Variants in ELF2 observed in about 807,000 individuals in gnomAD.
ELF2 encodes the protein ETS-related transcription factor Elf-2.
A neutral mutation model predicts 54.8 loss-of-function variants in ELF2; 11 were observed. The ratio of observed to expected loss-of-function variants is 0.20; its 90% CI spans 0.13 to 0.33. The LOEUF (loss-of-function observed/expected upper bound fraction) is 0.33. ELF2 is among the 10% of genes least tolerant of loss of function. The pLI, the probability that ELF2 is intolerant of heterozygous loss-of-function variation, is 1.00. For synonymous variants in ELF2, 203 were observed against 245.1 expected (o/e 0.83, Z 1.61); for missense variants, 513 against 703.0 (o/e 0.73, Z 3.06).
intron 6 of ELF2, among the ~76,000 whole-genome samples, chr4:139,069,678 A>G (rs918876652): frequency 1.1e-4 from 17 of 152,188 alleles, no homozygotes; most frequent in African/African-American, 3.1e-4. Flanking sequence ...TCCACAATGC[A>G]CATTAGTATA....
rs1249854699 is a variant in ELF2, at chr4:139,061,972, T to C, written c.699A>G (p.Arg233=). ...TCPRYIKWTQ[R]EKGIFKLVDS... ...CCACCAGCTTGAATATGCCTTTTTC[T>C]CTCTGAGTCCATTTAATATACCTGG... is the stretch of plus-strand genomic sequence containing the variant. Residue 233 remains arginine, a synonymous_variant, in exon 8 of 10, where the codon AGA becomes AGG. Transcript: ENST00000686138. 7.4e-6 allele frequency: 12 copies of C among 1,613,992 alleles called. No homozygotes were observed. The highest frequency in any genetic ancestry group is 1.0e-5 in the Non-Finnish European group (12 of 1,179,916).
intron 4 of ELF2, among the ~76,000 whole-genome samples, chr4:139,085,903 G>C (rs985717979): frequency 1.3e-5 from 2 of 152,184 alleles, no homozygotes; most frequent in Admixed American, 6.5e-5. Flanking sequence ...CTGCACTCCA[G>C]CTAGTTATTA....
intron 4 of ELF2, among the ~76,000 whole-genome samples, chr4:139,080,590 C>T (rs553762023): frequency 6.6e-6 from 1 of 151,460 alleles, no homozygotes; most frequent in East Asian, 1.9e-4. Context: ...CCTTATTTCG[C>T]AAATGTAAAA....
intron 1 of ELF2, among the ~76,000 whole-genome samples, chr4:139,144,044 C>G (rs1451854835): frequency 1.3e-5 from 2 of 151,876 alleles, no homozygotes; most frequent in African/African-American, 4.8e-5. Flanking sequence ...TGGGTAAAGA[C>G]TCAAACTGTG....
At chr4:139,070,668 A>C (rs1373173937) in intron 6 of ELF2, among the ~76,000 whole-genome samples, 2 of 152,238 alleles carry the variant, frequency 1.3e-5, no homozygotes, top group Non-Finnish European at 2.9e-5. Context: ...TATAGCAGGC[A>C]GTGGGTAAAT....
At chr4:139,105,116 T>A (rs548808078) in intron 4 of ELF2, among the ~76,000 whole-genome samples, 1 of 152,362 alleles carries the variant, frequency 6.6e-6, no homozygotes, top group Non-Finnish European at 1.5e-5. Flanking sequence ...AACTGTCATA[T>A]GGAAAGGGAG....
chr4:139,138,487 T>C (rs897457004), intron 2 of ELF2, among the ~76,000 whole-genome samples: 2 of 152,208 alleles, frequency 1.3e-5, no homozygotes, highest in African/African-American at 4.8e-5. Flanking sequence ...TGTTAGTTTC[T>C]ATAAATGTTA....
intron 1 of ELF2, among the ~76,000 whole-genome samples, chr4:139,154,268 GTTAC>G (rs1740309699): frequency 6.6e-6 from 1 of 152,120 alleles, no homozygotes; most frequent in Non-Finnish European, 1.5e-5. Context: ...ATGTTGGGCA[GTTAC>G]TTAATCTCCT....
intron 1 of ELF2, among the ~76,000 whole-genome samples, chr4:139,161,176 T>C (rs1220725481): frequency 6.6e-6 from 1 of 152,210 alleles, no homozygotes; most frequent in Non-Finnish European, 1.5e-5. Flanking sequence ...AGTGCTTACA[T>C]AAATTGTTAA....
At chr4:139,161,248 A>C (rs2148900725) in intron 1 of ELF2, among the ~76,000 whole-genome samples, 1 of 152,320 alleles carries the variant, frequency 6.6e-6, no homozygotes, top group East Asian at 1.9e-4. Flanking sequence ...ATCTTTGATA[A>C]ATAAGCTGGT....
At chr4:139,163,749 A>C (rs555929901) in intron 1 of ELF2, among the ~76,000 whole-genome samples, 1 of 152,100 alleles carries the variant, frequency 6.6e-6, no homozygotes, top group Non-Finnish European at 1.5e-5. Flanking sequence ...CCCCGTCTCT[A>C]CAAAAAATAC....
chr4:139,106,222 TA>T (rs1734386608), intron 4 of ELF2, among the ~76,000 whole-genome samples: 1 of 152,118 alleles, frequency 6.6e-6, no homozygotes, highest in Non-Finnish European at 1.5e-5. Flanking sequence ...AAATTACCAC[TA>T]CATGACTGAG....
At chr4:139,169,368 T>G (rs1254889081) in intron 1 of ELF2, among the ~76,000 whole-genome samples, 3 of 132,560 alleles carry the variant, frequency 2.3e-5, no homozygotes, top group African/African-American at 8.6e-5. Context: ...AAAAAAAAAC[T>G]ATCACAAAAA....
chr4:139,063,929 G>T (rs2148668707), intron 7 of ELF2, among the ~76,000 whole-genome samples: 1 of 152,158 alleles, frequency 6.6e-6, no homozygotes, highest in South Asian at 2.1e-4. Flanking sequence ...GGAGAGAGTA[G>T]TAGGCAGCGG....
At position 139,059,235 on chromosome 4, in the gene ELF2, T is replaced by C. The variant is rs2148656563; in HGVS notation, c.1530A>G (p.Leu510=). The change falls in exon 10 of 10, where the codon CTA becomes CTG. Residue 510 remains leucine (L), a synonymous_variant. Coordinates refer to ENST00000686138, the MANE Select transcript of ELF2 (RefSeq NM_001331036.3). ...SIAHGTPVMR[L]SMPTQQASGQ... The stretch of plus-strand genomic sequence containing the variant: ...CAGATGCCTGCTGAGTAGGCATTGA[T>C]AGTCTCATTACAGGTGTACCATGGG... 5.0e-6 allele frequency: 8 copies of C among 1,613,958 alleles called. No individual in the cohort carries two copies. Among genetic ancestry groups the C allele is most frequent in the East Asian group, 2.2e-5 (1 of 44,886 alleles).
intron 1 of ELF2, among the ~76,000 whole-genome samples, chr4:139,143,418 T>A (rs965685088): frequency 3.3e-5 from 5 of 152,202 alleles, no homozygotes; most frequent in African/African-American, 1.2e-4. Context: ...CTGAAGTCAC[T>A]TCTAGGGGAC....
In ELF2 at chr4:139,065,767, C is replaced by G. The variant is rs184004151; in HGVS notation, c.613+1917G>C. 1.6e-4 allele frequency among the ~76,000 whole-genome samples: 24 copies of G among 152,168 alleles called. No homozygotes were observed. The East Asian group carries it at 3.7e-3, about 23-fold the overall frequency. ...TCTCCAGCGTTAAGCAAAAGATATT[C>G]AAGTATAAGTGATACCACTGAGGAT... is the stretch of plus-strand genomic sequence containing the variant. On this transcript the variant is annotated intron_variant, in intron 7 of 9. Transcript: ENST00000686138.
At chr4:139,160,165 G>A (rs1740982379) in intron 1 of ELF2, among the ~76,000 whole-genome samples, 1 of 152,142 alleles carries the variant, frequency 6.6e-6, no homozygotes, top group Non-Finnish European at 1.5e-5. Flanking sequence ...GTGAAACCCT[G>A]TCTCTACTAA....
Position 139,151,028 on chromosome 4 carries a change from A to AG in ELF2, c.-251-11532_-251-11531insC, listed in dbSNP as rs1553971270. 2.9e-4 allele frequency among the ~76,000 whole-genome samples: 31 copies of AG among 105,298 alleles called. 2 individuals are homozygous for AG. Among genetic ancestry groups the AG allele is most frequent in the African/African-American group, 1.7e-3 (29 of 17,554 alleles). The allele number at this position is 105,298 out of a possible 152,430, so 69.1% of individuals were successfully genotyped here. A position where few individuals can be genotyped will look rare whatever the true frequency, so the allele number is the denominator to read the frequency against. On this transcript the variant is annotated intron_variant, in intron 1 of 9. Transcript: ENST00000686138. ...GACGGAACGAGGCTCCATCTCAAAAAAAAAAAAGAAAGAAAGAAAGAAAGA... is the reference window on the plus strand; with the variant it reads ...GACGGAACGAGGCTCCATCTCAAAAAGAAAAAAAGAAAGAAAGAAAGAAAGA...
Sources: allele counts gnomAD v4.1 joint callset (sites outside exome capture counted in the v4.1 genomes callset), GRCh38; gene constraint gnomAD v4.1.1; transcripts MANE v1.5; gene names NCBI Gene and HGNC (gene_info 2026-07-23, HGNC 2026-07-21).